PCNX1: variants seen among roughly 807,000 people sequenced by gnomAD.
PCNX1 encodes pecanex 1.
Under a neutral mutation model 242.2 loss-of-function variants are expected in PCNX1, and 78 were observed. The ratio of observed to expected loss-of-function variants is 0.32; its 90% confidence interval spans 0.27 to 0.39. The LOEUF is 0.39. Ranked by LOEUF, PCNX1 falls within the 10% of genes least tolerant of loss-of-function variation. The probability of loss-of-function intolerance (pLI) is 1.00; values close to 1 mark genes in which losing one functional copy is unlikely to be tolerated. For missense variants in PCNX1, 2,581 were observed against 2,856.5 expected (o/e 0.90, Z 2.20); for synonymous variants, 1,024 against 1,032.9 (o/e 0.99, Z 0.17).
At chr14:71,036,271 T>C in intron 19 of PCNX1, 114 bp downstream of exon 19, 1 of 677,298 alleles carries the variant, frequency 1.5e-6, no homozygotes, top group Non-Finnish European at 2.6e-6. Context: ...CTTGAATCCC[T>C]GGGCTCAAGT....
intron 1 of PCNX1, among the ~76,000 whole-genome samples, chr14:70,926,820 G>C (rs185040463): frequency 1.3e-5 from 2 of 152,338 alleles, no homozygotes; most frequent in Admixed American, 6.5e-5. Context: ...CAAGTGTGCA[G>C]TGTATCTGGT....
At chr14:70,937,464 G>T (rs2057054996) in intron 1 of PCNX1, among the ~76,000 whole-genome samples, 1 of 152,102 alleles carries the variant, frequency 6.6e-6, no homozygotes, top group Non-Finnish European at 1.5e-5. Context: ...TATTATTTCT[G>T]AGGGCTCTGT....
intron 2 of PCNX1, among the ~76,000 whole-genome samples, chr14:70,954,109 A>T (rs897633277): frequency 1.3e-5 from 2 of 152,148 alleles, no homozygotes; most frequent in Non-Finnish European, 2.9e-5. Context: ...GTAGGTTCTT[A>T]AGGCTTATTT....
Position 71,055,582 on chromosome 14 carries a change from C to G in PCNX1, c.4636+20C>G. On this transcript the variant is annotated intron_variant, in intron 25 of 35. Transcript: ENST00000304743. ...ATCCAGGTAATAGCTCTATTTGTGA[C>G]TAAGGAGGCAAGACTAAGGATTTGT... 6.6e-7 allele frequency: 1 copy of G among 1,513,092 alleles called. No homozygotes were observed. Among genetic ancestry groups the G allele is most frequent in the East Asian group, 2.3e-5 (1 of 44,236 alleles). 93.7% of individuals were successfully genotyped at this position (1,513,092 alleles called of 1,614,324 possible).
intron 16 of PCNX1, among the ~76,000 whole-genome samples, chr14:71,030,205 C>A (rs1396073767): frequency 2.0e-5 from 3 of 152,192 alleles, no homozygotes; most frequent in African/African-American, 7.2e-5. Context: ...CTCAGACTTA[C>A]TATTTTTAAC....
intron 30 of PCNX1, among the ~76,000 whole-genome samples, chr14:71,099,695 T>C (rs887705175): frequency 5.3e-5 from 8 of 152,206 alleles, no homozygotes; most frequent in African/African-American, 1.7e-4. Context: ...CCCGTACTAT[T>C]ACTATGTGGC....
At chr14:71,034,694 T>TTATA (rs2060481841) in intron 18 of PCNX1, among the ~76,000 whole-genome samples, 1 of 152,208 alleles carries the variant, frequency 6.6e-6, no homozygotes. Context: ...AAGACTGAAT[T>TTATA]TATGTAGATG....
rs187348193 is a variant in PCNX1, at chr14:71,105,452, C to G, written c.6301+12C>G. The G allele has an allele frequency of 3.6e-4, 570 of 1,598,744 alleles. 1 individual carries two copies. The highest frequency in any genetic ancestry group is 4.8e-4 in the Non-Finnish European group (558 of 1,166,376). On this transcript the variant is annotated intron_variant, in intron 33 of 35. Transcript: ENST00000304743. ...TCCTCCAACACTAGGTAATGTGAAA[C>G]AAAGTTATATGTCTAATGTTAGCTT...
intron 26 of PCNX1, among the ~76,000 whole-genome samples, chr14:71,073,176 C>G (rs1375114917): frequency 6.6e-6 from 1 of 152,196 alleles, no homozygotes; most frequent in African/African-American, 2.4e-5. Context: ...GCCTGTAATA[C>G]CAGCTCCTCT....
intron 28 of PCNX1, 149 bp from the exon 29 acceptor site, chr14:71,088,181 A>G: frequency 2.3e-6 from 1 of 433,546 alleles, no homozygotes; most frequent in African/African-American, 1.9e-5. Flanking sequence ...TTCATGCTTC[A>G]TTTCATACAG....
At chr14:70,912,678 AT>A (rs2055975788) in intron 1 of PCNX1, among the ~76,000 whole-genome samples, 1 of 152,024 alleles carries the variant, frequency 6.6e-6, no homozygotes, top group African/African-American at 2.4e-5. Context: ...AAAGACATAA[AT>A]CTGTGTCATT....
At chr14:70,922,768 T>C (rs948288913) in intron 1 of PCNX1, among the ~76,000 whole-genome samples, 2 of 151,848 alleles carry the variant, frequency 1.3e-5, no homozygotes, top group Non-Finnish European at 2.9e-5. Flanking sequence ...CTTTTTTTTT[T>C]TTTTTTTGCT....
chr14:71,095,243 A>C (rs1038725941), intron 30 of PCNX1, among the ~76,000 whole-genome samples: 1 of 152,218 alleles, frequency 6.6e-6, no homozygotes, highest in Non-Finnish European at 1.5e-5. Flanking sequence ...ATGAGTTTAC[A>C]TATGATATGT....
chr14:71,045,038 C>A (rs752822612), intron 19 of PCNX1, 95 bp from the exon 20 acceptor site: 3 of 802,610 alleles, frequency 3.7e-6, no homozygotes, highest in Non-Finnish European at 6.0e-6. Context: ...TGGACGTTGT[C>A]CATTATCAGA....
intron 1 of PCNX1, among the ~76,000 whole-genome samples, chr14:70,925,520 A>G (rs890395496): frequency 1.3e-5 from 2 of 150,614 alleles, no homozygotes; most frequent in Non-Finnish European, 1.5e-5. Flanking sequence ...CTATCAGACT[A>G]ATATTTACCT....
intron 26 of PCNX1, among the ~76,000 whole-genome samples, chr14:71,061,781 C>G (rs1051637883): frequency 6.6e-6 from 1 of 152,108 alleles, no homozygotes; most frequent in African/African-American, 2.4e-5. Flanking sequence ...TGGCAAGCAA[C>G]TTTAACCATG....
chr14:70,982,117 C>A (rs1269152808), intron 6 of PCNX1, among the ~76,000 whole-genome samples: 2 of 152,134 alleles, frequency 1.3e-5, no homozygotes, highest in Non-Finnish European at 1.5e-5. Context: ...TTGTGCTATA[C>A]ACATAAATTG....
chr14:71,091,472 A>C lies in PCNX1; in HGVS notation c.5589+2130A>C, dbSNP rs10150628. ...ACACAGGTTTGAACTGCATAGCTAC[A>C]TTTATACACAGATTTTCTCAGTAAA... is the stretch of plus-strand genomic sequence containing the variant. On this transcript the variant is annotated intron_variant, in intron 30 of 35. Transcript: ENST00000304743. Among the ~76,000 whole-genome samples, 1,335 of 152,364 alleles carry C rather than the reference A, an allele frequency of 8.8e-3. 12 individuals are homozygous for C. The highest frequency in any genetic ancestry group is 0.03 in the African/African-American group (1,259 of 41,588).
chr14:70,932,800 C>T (rs2810112), intron 1 of PCNX1, among the ~76,000 whole-genome samples: 2,342 of 151,622 alleles, frequency 0.015, 55 homozygotes, highest in African/African-American at 0.052. Context: ...TTAGTAGAGA[C>T]GGGGTTTCAC....
Sources: allele counts gnomAD v4.1 joint callset (sites outside exome capture counted in the v4.1 genomes callset), GRCh38; gene constraint gnomAD v4.1.1; transcripts MANE v1.5; gene names NCBI Gene and HGNC (gene_info 2026-07-23, HGNC 2026-07-21).